Variants in ITPR2 observed in about 807,000 individuals in gnomAD.
The protein encoded by ITPR2 is inositol 1,4,5-trisphosphate receptor type 2.
A neutral mutation model predicts 317.1 loss-of-function variants in ITPR2; 207 were observed. That is an observed-to-expected ratio of 0.65 (90% CI 0.58 to 0.73). ITPR2 has a LOEUF of 0.73. Among genes scored for constraint, ITPR2 ranks in the 30% least tolerant of loss-of-function variants. ITPR2 has a pLI of 0.00. For synonymous variants in ITPR2, 1,156 were observed against 1,149.1 expected, an observed-to-expected ratio of 1.01 and a Z score of -0.12; for missense variants, 2,613 against 3,284.0, an observed-to-expected ratio of 0.80 and a Z score of 4.99.
At chr12:26,640,007 A>C (rs1420388853) in intron 21 of ITPR2, among the ~76,000 whole-genome samples, 1 of 151,954 alleles carries the variant, frequency 6.6e-6, no homozygotes, top group Non-Finnish European at 1.5e-5. Flanking sequence ...TGCTGAGTCA[A>C]ATGGGTCTAT....
chr12:26,487,015 A>C, intron 40 of ITPR2, 53 bp downstream of exon 40: 5 of 1,410,238 alleles, frequency 3.5e-6, no homozygotes, highest in South Asian at 2.3e-5. Context: ...TTTAAACGCT[A>C]TTCCCCTCTT....
At chr12:26,417,837 G>T (rs756403616) in intron 50 of ITPR2, among the ~76,000 whole-genome samples, 164 of 152,034 alleles carry the variant, frequency 1.1e-3, no homozygotes, top group Admixed American at 2.2e-3. Context: ...CATTAAATGG[G>T]TATAGCTTTC....
At chr12:26,786,448 AT>A (rs1269872302) in intron 2 of ITPR2, among the ~76,000 whole-genome samples, 4 of 71,912 alleles carry the variant, frequency 5.6e-5, no homozygotes, top group South Asian at 4.9e-4. Flanking sequence ...AGAATGATCA[AT>A]AAAAAAAAAA....
chr12:26,779,128 C>T (rs1950032032), intron 2 of ITPR2, among the ~76,000 whole-genome samples: 1 of 152,170 alleles, frequency 6.6e-6, no homozygotes, highest in Non-Finnish European at 1.5e-5. Flanking sequence ...CCCAACAGAT[C>T]CAATGATGCC....
chr12:26,426,753 T>G (rs1030892069), intron 49 of ITPR2, among the ~76,000 whole-genome samples: 1 of 151,964 alleles, frequency 6.6e-6, no homozygotes, highest in African/African-American at 2.4e-5. Context: ...AATACAGAAT[T>G]GGCCATATTA....
In ITPR2 at chr12:26,631,973, C is replaced by A; in HGVS notation, c.2827G>T (p.Val943Leu). ...LSRGSIFPMS[V>L]PDVPPSIHPS... ...TGGATGCTGGGTGGCACATCCGGCACGCTCATGGGGAAGATGGAGCCTCTA... is the reference window on the plus strand; with the variant it reads ...TGGATGCTGGGTGGCACATCCGGCAAGCTCATGGGGAAGATGGAGCCTCTA... Residue 943 changes from valine to leucine, a missense_variant, in exon 22 of 57, where the codon GTG becomes TTG. Transcript: ENST00000381340. The A allele has an allele frequency of 5.6e-6, 9 of 1,613,620 alleles. No homozygotes were observed. Among genetic ancestry groups the A allele is most frequent in the Admixed American group, 1.7e-5 (1 of 59,958 alleles).
At chr12:26,344,696 A>G (rs1938247445) in intron 55 of ITPR2, among the ~76,000 whole-genome samples, 1 of 152,220 alleles carries the variant, frequency 6.6e-6, no homozygotes, top group African/African-American at 2.4e-5. Context: ...TTCACTTAAT[A>G]ATCCTTGCTT....
intron 9 of ITPR2, among the ~76,000 whole-genome samples, chr12:26,706,020 A>G (rs1379557646): frequency 6.6e-6 from 1 of 152,244 alleles, no homozygotes; most frequent in Non-Finnish European, 1.5e-5. Flanking sequence ...AAATGTAGAA[A>G]GCAGATCATT....
intron 1 of ITPR2, among the ~76,000 whole-genome samples, chr12:26,810,751 G>C (rs567847367): frequency 2.6e-5 from 4 of 152,298 alleles, no homozygotes; most frequent in African/African-American, 9.6e-5. Context: ...ACTGTGTTTA[G>C]TATTTCACCC....
intron 31 of ITPR2, among the ~76,000 whole-genome samples, chr12:26,596,150 T>C (rs925818026): frequency 6.6e-6 from 1 of 152,254 alleles, no homozygotes; most frequent in Non-Finnish European, 1.5e-5. Context: ...CAGGTAAACC[T>C]GCAGAGTCTT....
rs575929449 is a variant in ITPR2 at position 26,336,678 on chromosome 12, T to G, written c.*2719A>C. 4 of 152,328 alleles carry G rather than the reference T, an allele frequency of 2.6e-5. No individual in the cohort carries two copies. The East Asian group carries it at 7.7e-4, about 29-fold the overall frequency. 9.4% of individuals were successfully genotyped at this position (152,328 alleles called of 1,614,324 possible). Reference sequence around the variant, plus strand: ...AAAACCCTTTTGAAATTAAAAATATTATTCAGCAGAAACTGATACTTTTGA... The same window carrying G: ...AAAACCCTTTTGAAATTAAAAATATGATTCAGCAGAAACTGATACTTTTGA... On this transcript the variant is annotated 3_prime_UTR_variant, in exon 57 of 57. Coordinates refer to ENST00000381340, the MANE Select transcript of ITPR2 (RefSeq NM_002223.4).
At chr12:26,707,113 G>A (rs1239573630) in intron 9 of ITPR2, among the ~76,000 whole-genome samples, 1 of 152,170 alleles carries the variant, frequency 6.6e-6, no homozygotes, top group Non-Finnish European at 1.5e-5. Context: ...GTGCCGCGCT[G>A]TCTTCCGAAC....
chr12:26,757,012 C>T (rs566185219), intron 2 of ITPR2, among the ~76,000 whole-genome samples: 47 of 152,314 alleles, frequency 3.1e-4, no homozygotes, highest in Non-Finnish European at 5.3e-4. Flanking sequence ...TCTGGTCATC[C>T]TCACTGCTAC....
chr12:26,751,702 C>T (rs1949422840), intron 2 of ITPR2, among the ~76,000 whole-genome samples: 1 of 151,922 alleles, frequency 6.6e-6, no homozygotes, highest in African/African-American at 2.4e-5. Context: ...CCCGTCTCAA[C>T]TAAAAATACA....
At chr12:26,464,560 A>G (rs949158989) in intron 45 of ITPR2, among the ~76,000 whole-genome samples, 1 of 152,078 alleles carries the variant, frequency 6.6e-6, no homozygotes, top group Non-Finnish European at 1.5e-5. Context: ...GGGGTTGGGG[A>G]CCCCTGATCT....
chr12:26,442,395 A>G (rs1309790029), intron 46 of ITPR2, among the ~76,000 whole-genome samples: 1 of 152,120 alleles, frequency 6.6e-6, no homozygotes, highest in Admixed American at 6.6e-5. Context: ...CATGTACTGA[A>G]TGTGTGTATT....
chr12:26,576,901 A>G (rs925991839), intron 34 of ITPR2, among the ~76,000 whole-genome samples: 4 of 152,224 alleles, frequency 2.6e-5, no homozygotes, highest in Admixed American at 6.5e-5. Context: ...GAGCCCTCAT[A>G]AATGAATTGA....
intron 37 of ITPR2, among the ~76,000 whole-genome samples, chr12:26,507,843 C>A (rs1437021995): frequency 5.0e-5 from 7 of 141,340 alleles, no homozygotes; most frequent in Non-Finnish European, 1.1e-4. Context: ...GAATATCTCT[C>A]TACTCTTCTC....
At chr12:26,602,344 A>C in intron 28 of ITPR2, 26 bp downstream of exon 28, 1 of 1,579,182 alleles carries the variant, frequency 6.3e-7, no homozygotes, top group East Asian at 2.2e-5. Context: ...TAAAAAGCTA[A>C]AGAACAAAAA....
Sources: allele counts gnomAD v4.1 joint callset (sites outside exome capture counted in the v4.1 genomes callset), GRCh38; gene constraint gnomAD v4.1.1; transcripts MANE v1.5; gene names NCBI Gene and HGNC (gene_info 2026-07-23, HGNC 2026-07-21).